Variants in PLEKHB2 observed in about 807,000 individuals in gnomAD.
PLEKHB2 encodes the protein pleckstrin homology domain containing B2.
PLEKHB2 carries 31 observed loss-of-function variants against 36.5 expected under a neutral mutation model. That is an observed-to-expected ratio of 0.85 (90% CI 0.64 to 1.15). PLEKHB2 has a LOEUF of 1.15. PLEKHB2 is among the 50% of genes most tolerant of loss of function. The probability of loss-of-function intolerance (pLI) is 0.00; values close to 1 mark genes in which losing one functional copy is unlikely to be tolerated. For synonymous variants in PLEKHB2, 119 were observed against 112.0 expected, an observed-to-expected ratio of 1.06 and a Z score of -0.39; for missense variants, 262 against 295.3, an observed-to-expected ratio of 0.89 and a Z score of 0.83.
At chr2:131,115,745 A>AAATGAAAT (rs1695813121) in intron 1 of PLEKHB2, among the ~76,000 whole-genome samples, 1 of 152,194 alleles carries the variant, frequency 6.6e-6, no homozygotes, top group Non-Finnish European at 1.5e-5. Context: ...AGTTGGTTGT[A>AAATGAAAT]ATAGACTGTA....
At chr2:131,115,341 CTTTTTTTTTTTTTTTTTTTT>C (rs1179533654) in intron 1 of PLEKHB2, among the ~76,000 whole-genome samples, 1 of 64,546 alleles carries the variant, frequency 1.5e-5, no homozygotes, top group Non-Finnish European at 3.0e-5. Context: ...GAAAGTATGT[CTTTTTTTTTTTTTTTTTTTT>C]TTTTTTTTTT....
At chr2:131,140,429 G>A (rs1479302984) in intron 7 of PLEKHB2, among the ~76,000 whole-genome samples, 154 bp downstream of exon 7, 4 of 152,200 alleles carry the variant, frequency 2.6e-5, no homozygotes, top group African/African-American at 9.7e-5. Flanking sequence ...CTTTAAGAAA[G>A]CCTTTGGTAG....
chr2:131,122,719 G>A (rs953759702), intron 2 of PLEKHB2, among the ~76,000 whole-genome samples: 2 of 152,200 alleles, frequency 1.3e-5, no homozygotes, highest in Non-Finnish European at 2.9e-5. Flanking sequence ...CTGTGTGTCT[G>A]TGACTAGTTC....
At chr2:131,137,501 G>A (rs1698388640) in intron 6 of PLEKHB2, among the ~76,000 whole-genome samples, 1 of 152,150 alleles carries the variant, frequency 6.6e-6, no homozygotes, top group Non-Finnish European at 1.5e-5. Context: ...TGTAGTTTTT[G>A]TGGAATTGTT....
intron 7 of PLEKHB2, among the ~76,000 whole-genome samples, chr2:131,144,081 C>T (rs1174932027): frequency 1.3e-5 from 2 of 152,080 alleles, no homozygotes; most frequent in Non-Finnish European, 2.9e-5. Context: ...GGTTTGTGGT[C>T]GATACACAGC....
At chr2:131,145,804 C>G (rs1040364770) in intron 7 of PLEKHB2, among the ~76,000 whole-genome samples, 1 of 152,162 alleles carries the variant, frequency 6.6e-6, no homozygotes, top group Non-Finnish European at 1.5e-5. Context: ...AAATTAAATA[C>G]TAAATTTGTC....
At position 131,132,882 on chromosome 2, in the gene PLEKHB2, CCCTCTCCTGTCTCCCG is replaced by C. The variant is rs780888044; in HGVS notation, c.334-18_334-3del. 1.0e-5 allele frequency: 15 copies of C among 1,465,688 alleles called. No homozygotes were observed. Among genetic ancestry groups the C allele is most frequent in the Middle Eastern group, 3.4e-4 (2 of 5,834 alleles). 90.8% of individuals were successfully genotyped at this position (1,465,688 alleles called of 1,614,324 possible). ...CTGCTGGGAAGCTGTCCTGTCCTCA[CCCTCTCCTGTCTCCCG>C]CAGGCGTATGTGGGCTCTGCAGTCA... On this transcript the variant is annotated splice_region_variant and splice_polypyrimidine_tract_variant and intron_variant, in intron 5 of 7. Coordinates refer to ENST00000693505, the MANE Select transcript of PLEKHB2 (RefSeq NM_001100623.2).
At chr2:131,119,377 C>T (rs1573548976) in intron 1 of PLEKHB2, among the ~76,000 whole-genome samples, 1 of 152,200 alleles carries the variant, frequency 6.6e-6, no homozygotes, top group African/African-American at 2.4e-5. Flanking sequence ...TCCAGAGACA[C>T]ATCTTTCAAA....
At chr2:131,112,771 C>T (rs997328042) in intron 1 of PLEKHB2, among the ~76,000 whole-genome samples, 3 of 152,114 alleles carry the variant, frequency 2.0e-5, no homozygotes, top group African/African-American at 7.2e-5. Flanking sequence ...CTGGAAACTA[C>T]AGGAAAGGGA....
intron 6 of PLEKHB2, among the ~76,000 whole-genome samples, chr2:131,138,471 G>A (rs1028279127): frequency 6.6e-6 from 1 of 152,134 alleles, no homozygotes; most frequent in East Asian, 1.9e-4. Flanking sequence ...GACATTTTAA[G>A]TACTGTAAGA....
chr2:131,112,795 C>T (rs1695460546), intron 1 of PLEKHB2, among the ~76,000 whole-genome samples: 3 of 152,132 alleles, frequency 2.0e-5, no homozygotes, highest in Admixed American at 1.3e-4. Context: ...TTAAAAAAAC[C>T]CCAAGTCCCT....
chr2:131,127,639 T>C (rs1205151444), intron 4 of PLEKHB2, among the ~76,000 whole-genome samples: 1 of 152,250 alleles, frequency 6.6e-6, no homozygotes, highest in African/African-American at 2.4e-5. Context: ...AACATTTCAA[T>C]GGTGCAACCA....
chr2:131,144,488 G>GTCCTCCCA, intron 7 of PLEKHB2: 2 of 880,960 alleles, frequency 2.3e-6, no homozygotes, highest in East Asian at 3.3e-5. Context: ...GGGGACTATA[G>GTCCTCCCA]TCCTCCCATC....
intron 1 of PLEKHB2, among the ~76,000 whole-genome samples, chr2:131,114,313 A>ACGGGGTTTCAT (rs1321098835): frequency 6.6e-6 from 1 of 152,010 alleles, no homozygotes; most frequent in Non-Finnish European, 1.5e-5. Context: ...TTTAGTAGAG[A>ACGGGGTTTCAT]CGGGGTTTCA....
chr2:131,145,137 G>A (rs1699154784), intron 7 of PLEKHB2, among the ~76,000 whole-genome samples: 1 of 152,158 alleles, frequency 6.6e-6, no homozygotes, highest in South Asian at 2.1e-4. Context: ...GCCTGGGTTT[G>A]TGTGCCCTTA....
At chr2:131,139,366 G>T (rs1403702723) in intron 6 of PLEKHB2, among the ~76,000 whole-genome samples, 1 of 152,134 alleles carries the variant, frequency 6.6e-6, no homozygotes, top group African/African-American at 2.4e-5. Context: ...CTACAAGAAA[G>T]AATGTCTACT....
At chr2:131,121,309 C>T (rs915510393) in intron 2 of PLEKHB2, among the ~76,000 whole-genome samples, 5 of 152,144 alleles carry the variant, frequency 3.3e-5, no homozygotes, top group African/African-American at 9.7e-5. Flanking sequence ...AGTGCAGTGG[C>T]GCGATCTCGG....
At chr2:131,141,260 T>G (rs1159708156) in intron 7 of PLEKHB2, among the ~76,000 whole-genome samples, 1 of 152,218 alleles carries the variant, frequency 6.6e-6, no homozygotes, top group African/African-American at 2.4e-5. Context: ...TCTGGGAATC[T>G]GAGGCACATT....
At chr2:131,121,085 G>C in intron 2 of PLEKHB2, 107 bp downstream of exon 2, 2 of 1,042,494 alleles carry the variant, frequency 1.9e-6, no homozygotes. Context: ...AGTTTTATGA[G>C]TGCTATGGCC....
Sources: gnomAD v4.1 joint callset for allele counts (sites outside exome capture counted in the v4.1 genomes callset) on GRCh38, gnomAD v4.1.1 for gene constraint, MANE v1.5 for transcripts, NCBI Gene and HGNC (gene_info 2026-07-23, HGNC 2026-07-21) for gene names.